Variants in DNER observed in about 807,000 individuals in gnomAD.
DNER encodes delta/notch like EGF repeat containing.
A neutral mutation model predicts 78.2 loss-of-function variants in DNER; 33 were observed. The ratio of observed to expected loss-of-function variants is 0.42; its 90% CI spans 0.32 to 0.56. DNER has a LOEUF of 0.56. Ranked by LOEUF, DNER falls within the 20% of genes least tolerant of loss-of-function variation. The probability of loss-of-function intolerance (pLI) is 0.11; values close to 1 mark genes in which losing one functional copy is unlikely to be tolerated. For synonymous variants in DNER, 417 were observed against 384.8 expected (o/e 1.08, Z -0.98); for missense variants, 918 against 975.3 (o/e 0.94, Z 0.78).
intron 11 of DNER, among the ~76,000 whole-genome samples, chr2:229,375,163 T>C (rs1692570374): frequency 6.6e-6 from 1 of 152,224 alleles, no homozygotes; most frequent in Non-Finnish European, 1.5e-5. Flanking sequence ...CCAGGTTCCA[T>C]CAGAGATGGG....
At chr2:229,525,682 G>A (rs186989800) in intron 5 of DNER, among the ~76,000 whole-genome samples, 2 of 152,110 alleles carry the variant, frequency 1.3e-5, no homozygotes, top group African/African-American at 4.8e-5. Flanking sequence ...GCGTGAACTC[G>A]GCTCACTGCA....
chr2:229,485,261 C>T (rs1041705585), intron 6 of DNER, among the ~76,000 whole-genome samples: 2 of 152,052 alleles, frequency 1.3e-5, no homozygotes, highest in African/African-American at 4.8e-5. Flanking sequence ...AGGGTCTGAC[C>T]GTGAGCAATG....
At chr2:229,538,980 T>C (rs1412129923) in intron 5 of DNER, among the ~76,000 whole-genome samples, 1 of 152,218 alleles carries the variant, frequency 6.6e-6, no homozygotes, top group Non-Finnish European at 1.5e-5. Flanking sequence ...GAGAAATTCC[T>C]CCAGAGTGCT....
At position 229,671,312 on chromosome 2, in the gene DNER, G is replaced by C. The variant is rs536264695; in HGVS notation, c.276+42836C>G. Among the ~76,000 whole-genome samples the C allele has an allele frequency of 1.3e-4, 20 of 152,266 alleles. No individual in the cohort carries two copies. The East Asian group carries it at 3.9e-3, about 29-fold the overall frequency. On this transcript the variant is annotated intron_variant, in intron 1 of 12. Transcript: ENST00000341772. ...GGCTTTCCCTTGGACACCTGAATAT[G>C]CCAAGCTTGTCCTCACTCAGGGCTA...
intron 6 of DNER, among the ~76,000 whole-genome samples, chr2:229,509,689 C>G (rs1039310624): frequency 2.0e-5 from 3 of 152,150 alleles, no homozygotes; most frequent in Non-Finnish European, 4.4e-5. Context: ...TAGTGGGTGC[C>G]TGTAATCCCT....
chr2:229,680,890 T>C (rs375789191), intron 1 of DNER, among the ~76,000 whole-genome samples: 2 of 152,226 alleles, frequency 1.3e-5, no homozygotes, highest in East Asian at 3.8e-4. Context: ...AGTCCTACTA[T>C]GTTCTAGGCA....
At chr2:229,614,466 G>A (rs1035324017) in intron 1 of DNER, among the ~76,000 whole-genome samples, 8 of 152,314 alleles carry the variant, frequency 5.3e-5, no homozygotes, top group African/African-American at 1.9e-4. Flanking sequence ...GAACAAGTGA[G>A]AGTAGCTCCA....
intron 1 of DNER, among the ~76,000 whole-genome samples, chr2:229,688,289 T>C (rs765398753): frequency 2.6e-5 from 4 of 152,236 alleles, no homozygotes; most frequent in Admixed American, 1.3e-4. Context: ...CAGACTTCTC[T>C]GTAGCAATCA....
At chr2:229,538,727 T>C (rs10186500) in intron 5 of DNER, among the ~76,000 whole-genome samples, 2,204 of 152,130 alleles carry the variant, frequency 0.014, 56 homozygotes, top group African/African-American at 0.049. Context: ...TTAGTAGAGA[T>C]GGGGTTTCTC....
chr2:229,617,508 A>G (rs758382239), intron 1 of DNER, among the ~76,000 whole-genome samples: 21 of 152,212 alleles, frequency 1.4e-4, no homozygotes, highest in Non-Finnish European at 2.8e-4. Context: ...TCCACTAAAC[A>G]CATTGGTTGT....
At chr2:229,549,865 C>T (rs10193136) in intron 4 of DNER, among the ~76,000 whole-genome samples, 2 of 150,174 alleles carry the variant, frequency 1.3e-5, no homozygotes, top group African/African-American at 4.9e-5. Context: ...GAGCCAAGAT[C>T]GTGCCACTGC....
chr2:229,515,601 A>T (rs1167980828), intron 5 of DNER, among the ~76,000 whole-genome samples: 6 of 150,208 alleles, frequency 4.0e-5, no homozygotes, highest in African/African-American at 1.2e-4. Flanking sequence ...GAAATAAATT[A>T]TTGAGAGCCC....
chr2:229,566,025 T>C (rs907797425), intron 4 of DNER, among the ~76,000 whole-genome samples: 1 of 152,202 alleles, frequency 6.6e-6, no homozygotes, highest in African/African-American at 2.4e-5. Flanking sequence ...GAATGCCTCC[T>C]GATTAATGGC....
At chr2:229,388,481 C>T in intron 10 of DNER, 85 bp from the exon 11 acceptor site, 14 of 1,478,948 alleles carry the variant, frequency 9.5e-6, no homozygotes, top group Non-Finnish European at 1.3e-5. Context: ...AGATCCAAGG[C>T]TAGGGGTCAT....
At chr2:229,363,186 G>A (rs1574805645) in intron 12 of DNER, among the ~76,000 whole-genome samples, 1 of 152,104 alleles carries the variant, frequency 6.6e-6, no homozygotes, top group African/African-American at 2.4e-5. Flanking sequence ...AGAGGGAGGG[G>A]TCTCCTTCTC....
intron 6 of DNER, among the ~76,000 whole-genome samples, chr2:229,504,964 G>A (rs1184080794): frequency 6.6e-6 from 1 of 152,182 alleles, no homozygotes; most frequent in Non-Finnish European, 1.5e-5. Context: ...ACTAGGCACT[G>A]CCCTAAGAAC....
intron 7 of DNER, among the ~76,000 whole-genome samples, chr2:229,457,731 G>C (rs968164186): frequency 2.0e-5 from 3 of 147,264 alleles, no homozygotes; most frequent in Non-Finnish European, 3.0e-5. Context: ...AATATAAGTA[G>C]ACTAACACCC....
intron 1 of DNER, among the ~76,000 whole-genome samples, chr2:229,706,858 A>C (rs954333359): frequency 1.3e-5 from 2 of 152,136 alleles, no homozygotes; most frequent in African/African-American, 4.8e-5. Context: ...TTACAGGTGT[A>C]AGCCGCCACA....
intron 7 of DNER, among the ~76,000 whole-genome samples, chr2:229,448,139 G>A (rs920504028): frequency 6.6e-6 from 1 of 151,514 alleles, no homozygotes; most frequent in Non-Finnish European, 1.5e-5. Context: ...ATTGTTGTAA[G>A]AGAAACAAAA....
Sources: gnomAD v4.1 joint callset for allele counts (sites outside exome capture counted in the v4.1 genomes callset) on GRCh38, gnomAD v4.1.1 for gene constraint, MANE v1.5 for transcripts, NCBI Gene and HGNC (gene_info 2026-07-23, HGNC 2026-07-21) for gene names.